Variants in STK32B observed in about 807,000 individuals in gnomAD.
STK32B encodes the protein serine/threonine-protein kinase 32B.
STK32B carries 43 observed loss-of-function variants against 52.6 expected under a neutral mutation model. The ratio of observed to expected loss-of-function variants is 0.82; its 90% confidence interval spans 0.64 to 1.05. The LOEUF is 1.05. STK32B is among the 50% of genes least tolerant of loss of function. STK32B has a pLI of 0.00. For synonymous variants in STK32B, 238 were observed against 204.3 expected (o/e 1.17, Z -1.41); for missense variants, 621 against 534.6 (o/e 1.16, Z -1.59).
intron 1 of STK32B, among the ~76,000 whole-genome samples, chr4:5,108,150 T>C (rs1473103043): frequency 6.6e-6 from 1 of 152,242 alleles, no homozygotes; most frequent in Non-Finnish European, 1.5e-5. Context: ...TGCTGTGTCT[T>C]CTTTTGCATC....
intron 4 of STK32B, among the ~76,000 whole-genome samples, chr4:5,352,924 G>C (rs1483641984): frequency 6.6e-6 from 1 of 151,974 alleles, no homozygotes; most frequent in African/African-American, 2.4e-5. Flanking sequence ...AATTCATAGG[G>C]AACCACAAAA....
chr4:5,369,470 C>A (rs1735087987), intron 4 of STK32B, among the ~76,000 whole-genome samples: 1 of 152,036 alleles, frequency 6.6e-6, no homozygotes, highest in African/African-American at 2.4e-5. Flanking sequence ...AGGCTCACTG[C>A]CCAAGAAACC....
intron 3 of STK32B, among the ~76,000 whole-genome samples, chr4:5,317,040 AT>A (rs1343369436): frequency 5.0e-4 from 13 of 26,226 alleles, no homozygotes; most frequent in East Asian, 2.0e-3. Flanking sequence ...GATATAATAT[AT>A]TATATATATA....
At chr4:5,385,086 C>T (rs1490527507) in intron 4 of STK32B, among the ~76,000 whole-genome samples, 1 of 151,966 alleles carries the variant, frequency 6.6e-6, no homozygotes, top group African/African-American at 2.4e-5. Context: ...AAGGAAGAGA[C>T]GGGTGACGTG....
chr4:5,333,423 A>G (rs959966082), intron 4 of STK32B, among the ~76,000 whole-genome samples: 1 of 152,148 alleles, frequency 6.6e-6, no homozygotes, highest in African/African-American at 2.4e-5. Flanking sequence ...CCCATTTTGT[A>G]GGTTGCCTGT....
Position 5,386,118 on chromosome 4 carries a change from A to C in STK32B, c.435-12089A>C, listed in dbSNP as rs573969077. On this transcript the variant is annotated intron_variant, in intron 4 of 11. Transcript: ENST00000282908. This position sits in a 1 kb window ranked among gnomAD's most constrained non-coding sequence, Gnocchi z 4.5. ...AGCTCCACCCACAGGCCCCACCCAC[A>C]GCTCTTGGCCCACAGTTCCTGGCCT... Among the ~76,000 whole-genome samples the C allele has an allele frequency of 6.9e-6, 1 of 144,350 alleles. No homozygotes were observed. Among genetic ancestry groups the C allele is most frequent in the South Asian group, 2.3e-4 (1 of 4,426 alleles). The allele number at this position is 144,350 out of a possible 152,430, so 94.7% of individuals were successfully genotyped here.
At chr4:5,135,515 A>T (rs1396556915) in intron 1 of STK32B, among the ~76,000 whole-genome samples, 2 of 152,230 alleles carry the variant, frequency 1.3e-5, no homozygotes, top group African/African-American at 4.8e-5. Context: ...TCAGAAAAGA[A>T]TGTTTCTAGC....
intron 4 of STK32B, among the ~76,000 whole-genome samples, chr4:5,370,703 A>G: frequency 6.6e-6 from 1 of 152,124 alleles, no homozygotes; most frequent in African/African-American, 2.4e-5. Context: ...TAAAAAAATT[A>G]TTCTGACAGC....
At chr4:5,251,882 A>T (rs1033817550) in intron 3 of STK32B, among the ~76,000 whole-genome samples, 3 of 152,188 alleles carry the variant, frequency 2.0e-5, no homozygotes, top group African/African-American at 4.8e-5. Context: ...TCTGGGCACT[A>T]ATTTCTTCAT....
At chr4:5,493,898 T>A (rs1429518708) in intron 11 of STK32B, among the ~76,000 whole-genome samples, 3 of 152,270 alleles carry the variant, frequency 2.0e-5, no homozygotes, top group Non-Finnish European at 4.4e-5. Flanking sequence ...TTTGCGTTAG[T>A]TTCTTAATCC....
intron 4 of STK32B, among the ~76,000 whole-genome samples, chr4:5,392,200 C>G (rs769192241): frequency 6.6e-6 from 1 of 152,026 alleles, no homozygotes; most frequent in Admixed American, 6.6e-5. Context: ...TTTGGGAGGC[C>G]GAGGCGGGTG....
At chr4:5,077,680 A>G (rs1389622491) in intron 1 of STK32B, among the ~76,000 whole-genome samples, 2 of 152,074 alleles carry the variant, frequency 1.3e-5, no homozygotes, top group Non-Finnish European at 2.9e-5. Flanking sequence ...GCAGCTTTAT[A>G]TAACAACTCC....
At chr4:5,077,580 C>A (rs868372324) in intron 1 of STK32B, among the ~76,000 whole-genome samples, 4 of 152,176 alleles carry the variant, frequency 2.6e-5, no homozygotes, top group Non-Finnish European at 5.9e-5. Flanking sequence ...ACCTCCCCAG[C>A]CCTTTTCCCA....
At chr4:5,364,698 G>A (rs541444731) in intron 4 of STK32B, among the ~76,000 whole-genome samples, 1 of 152,218 alleles carries the variant, frequency 6.6e-6, no homozygotes, top group East Asian at 1.9e-4. Context: ...AGTAGGGAGA[G>A]GGATCCCCAA....
intron 6 of STK32B, among the ~76,000 whole-genome samples, chr4:5,424,329 C>G (rs1244924737): frequency 6.6e-6 from 1 of 152,132 alleles, no homozygotes; most frequent in African/African-American, 2.4e-5. Context: ...ATGAGTGGGT[C>G]CCCATGAAGC....
chr4:5,146,301 A>T (rs62290491), intron 2 of STK32B, among the ~76,000 whole-genome samples: 6,373 of 152,140 alleles, frequency 0.042, 328 homozygotes, highest in Admixed American at 0.16. Flanking sequence ...AACTAGGGAA[A>T]CCGAAAATGC....
chr4:5,402,329 G>A (rs1213759458), intron 5 of STK32B, among the ~76,000 whole-genome samples: 1 of 152,230 alleles, frequency 6.6e-6, no homozygotes, highest in Admixed American at 6.5e-5. Flanking sequence ...GCACAGGCCG[G>A]TGGGTTAGTG....
intron 3 of STK32B, among the ~76,000 whole-genome samples, chr4:5,312,624 T>C (rs1000282783): frequency 3.9e-5 from 6 of 152,114 alleles, no homozygotes; most frequent in African/African-American, 1.4e-4. Flanking sequence ...ACTCATCATT[T>C]TTTATGGCTG....
intron 11 of STK32B, among the ~76,000 whole-genome samples, chr4:5,485,580 C>G (rs1169391561): frequency 3.3e-5 from 5 of 152,190 alleles, no homozygotes; most frequent in Admixed American, 3.3e-4. Context: ...GCCTTCTTCT[C>G]TCAACTTGTC....
Sources: allele counts gnomAD v4.1 joint callset (sites outside exome capture counted in the v4.1 genomes callset), GRCh38; gene constraint gnomAD v4.1.1; non-coding constraint Gnocchi (gnomAD v3.1); transcripts MANE v1.5; gene names NCBI Gene and HGNC (gene_info 2026-07-23, HGNC 2026-07-21).